Variants in PRKX observed in about 807,000 individuals in gnomAD.
The protein encoded by PRKX is protein kinase cAMP-dependent X-linked catalytic subunit, also known as cAMP-dependent protein kinase catalytic subunit PRKX.
PRKX carries 12 observed loss-of-function variants against 22.0 expected under a neutral mutation model. The observed-to-expected ratio is 0.54, with a 90% CI of 0.35 to 0.88. The LOEUF (loss-of-function observed/expected upper bound fraction) is 0.88. PRKX is among the 40% of genes least tolerant of loss of function. PRKX has a pLI of 0.01. For missense variants in PRKX, 217 were observed against 308.0 expected, an observed-to-expected ratio of 0.70 and a Z score of 2.21; for synonymous variants, 134 against 137.7, an observed-to-expected ratio of 0.97 and a Z score of 0.19.
intron 4 of PRKX, among the ~76,000 whole-genome samples, chrX:3,633,701 G>C (rs1926832451): frequency 1.8e-5 from 2 of 111,460 alleles, no homozygotes; most frequent in Admixed American, 9.6e-5. Flanking sequence ...AGATACCCTG[G>C]GCGCTGTGAG....
intron 6 of PRKX, among the ~76,000 whole-genome samples, chrX:3,619,409 T>C (rs1603473107): frequency 9.0e-6 from 1 of 111,663 alleles, no homozygotes; most frequent in Admixed American, 9.5e-5. Flanking sequence ...GCCCATGTCC[T>C]GACTCCCAGT....
intron 3 of PRKX, among the ~76,000 whole-genome samples, chrX:3,650,533 A>AAG (rs1432909088): frequency 9.8e-6 from 1 of 102,335 alleles, no homozygotes; most frequent in African/African-American, 3.6e-5. Context: ...AAAAAAAAAA[A>AAG]AAAAAAAGAG....
chrX:3,676,128 C>T, intron 1 of PRKX, among the ~76,000 whole-genome samples: 1 of 111,504 alleles, frequency 9.0e-6, no homozygotes, highest in East Asian at 2.8e-4. Flanking sequence ...GCAAGTCATT[C>T]CTCAGCAATA....
chrX:3,692,752 C>A (rs1270172172), intron 1 of PRKX, among the ~76,000 whole-genome samples: 1 of 111,063 alleles, frequency 9.0e-6, no homozygotes, highest in Non-Finnish European at 1.9e-5. Flanking sequence ...TGGTCTCAAT[C>A]TCCTGACCTC....
intron 2 of PRKX, among the ~76,000 whole-genome samples, chrX:3,659,885 C>T (rs1331772499): frequency 1.8e-5 from 2 of 110,281 alleles, no homozygotes; most frequent in Non-Finnish European, 3.8e-5. Flanking sequence ...CCACCATGAC[C>T]GGCTACTTTT....
intron 3 of PRKX, among the ~76,000 whole-genome samples, chrX:3,645,673 C>T (rs1334081911): frequency 8.9e-6 from 1 of 112,599 alleles, no homozygotes; most frequent in Admixed American, 9.4e-5. Context: ...TGGCTCATGC[C>T]TATAATCTCA....
intron 1 of PRKX, among the ~76,000 whole-genome samples, chrX:3,683,151 ATTAACTTCTGTTATT>A (rs1049949132): frequency 8.9e-6 from 1 of 112,230 alleles, no homozygotes; most frequent in Non-Finnish European, 1.9e-5. Flanking sequence ...CTGTGAAACA[ATTAACTTCTGTTATT>A]TTAAGGCACC....
intron 1 of PRKX, among the ~76,000 whole-genome samples, chrX:3,703,097 C>T (rs1407685039): frequency 1.8e-5 from 2 of 111,097 alleles, no homozygotes; most frequent in East Asian, 5.7e-4. Context: ...GTTTTATGTC[C>T]TCCTCTCTTC....
intron 1 of PRKX, among the ~76,000 whole-genome samples, chrX:3,710,676 T>C (rs1015885181): frequency 1.8e-5 from 2 of 112,050 alleles, no homozygotes; most frequent in Admixed American, 1.9e-4. Context: ...GCCCAGCCTG[T>C]GATTGGCTTT....
intron 1 of PRKX, among the ~76,000 whole-genome samples, chrX:3,705,432 T>C (rs1057037376): frequency 9.0e-6 from 1 of 110,964 alleles, no homozygotes; most frequent in East Asian, 2.8e-4. Flanking sequence ...AATATGATGA[T>C]GGTGGCCCCA....
chrX:3,681,270 A>G (rs7059425), intron 1 of PRKX, among the ~76,000 whole-genome samples: 15,301 of 106,468 alleles, frequency 0.14, 1,244 homozygotes, highest in African/African-American at 0.32. Context: ...TGGAGTCCCA[A>G]CTGCTCAAGA....
At chrX:3,692,033 T>C (rs1046852606) in intron 1 of PRKX, among the ~76,000 whole-genome samples, 2 of 99,677 alleles carry the variant, frequency 2.0e-5, no homozygotes, top group Non-Finnish European at 4.0e-5. Flanking sequence ...ATAATTAGGA[T>C]GGTTAGATAA....
At chrX:3,666,454 C>T (rs1927733051) in intron 2 of PRKX, among the ~76,000 whole-genome samples, 1 of 111,431 alleles carries the variant, frequency 9.0e-6, no homozygotes, top group Admixed American at 9.6e-5. Context: ...CCACGCCCAG[C>T]CGTGAACTGT....
At chrX:3,647,825 C>T (rs1266086889) in intron 3 of PRKX, among the ~76,000 whole-genome samples, 1 of 109,351 alleles carries the variant, frequency 9.1e-6, no homozygotes, top group Admixed American at 1.0e-4. Context: ...ACTGCTGGAA[C>T]TTCTTCATCA....
At chrX:3,699,500 C>CT (rs1181124044) in intron 1 of PRKX, among the ~76,000 whole-genome samples, 1 of 109,153 alleles carries the variant, frequency 9.2e-6, no homozygotes, top group Admixed American at 9.8e-5. Flanking sequence ...TTACAAGCAC[C>CT]TGCCACCACG....
At position 3,612,072 on chromosome X, in the gene PRKX, C is replaced by T. The variant is rs941767031; in HGVS notation, c.*23+105G>A. 1.1e-4 allele frequency: 81 copies of T among 747,129 alleles called. 1 individual carries two copies. The African/African-American group carries it at 1.5e-3, about 14-fold the overall frequency. The allele number at this position is 747,129 out of a possible 1,213,427, so 61.6% of individuals were successfully genotyped here. ...CCCCTTTGCTCTGCTTCACTGCTGA[C>T]CTCTGTGTGCATGAGGTTAAGCCCC... On this transcript the variant is annotated intron_variant, in intron 8 of 8. Coordinates refer to ENST00000262848, the MANE Select transcript of PRKX (RefSeq NM_005044.5).
intron 2 of PRKX, among the ~76,000 whole-genome samples, chrX:3,663,469 A>ACAC (rs1569054438): frequency 0.15 from 8,088 of 52,706 alleles, 643 homozygotes; most frequent in Middle Eastern, 0.27. Flanking sequence ...CACACACACA[A>ACAC]AAAAATTCAA....
At chrX:3,698,328 A>C (rs936297227) in intron 1 of PRKX, among the ~76,000 whole-genome samples, 5 of 110,526 alleles carry the variant, frequency 4.5e-5, no homozygotes, top group Non-Finnish European at 9.5e-5. Flanking sequence ...AGAAAGAAGC[A>C]ATTTTTCTCT....
intron 1 of PRKX, among the ~76,000 whole-genome samples, chrX:3,677,327 CTTTT>C (rs532175668): frequency 5.0e-4 from 45 of 90,636 alleles, no homozygotes; most frequent in African/African-American, 1.5e-3. Context: ...ATTGTTTTGT[CTTTT>C]TTTTTTTTTT....
Sources: gnomAD v4.1 joint callset for allele counts (sites outside exome capture counted in the v4.1 genomes callset) on GRCh38, gnomAD v4.1.1 for gene constraint, MANE v1.5 for transcripts, NCBI Gene and HGNC (gene_info 2026-07-23, HGNC 2026-07-21) for gene names.